Variants in PLEKHG4 observed in about 807,000 individuals in gnomAD.
PLEKHG4 encodes the protein puratrophin-1.
In PLEKHG4, 85 loss-of-function variants were observed where a neutral mutation model predicts 136.9. The observed-to-expected ratio is 0.62, with a 90% confidence interval of 0.52 to 0.74. The LOEUF is 0.74. PLEKHG4 is among the 30% of genes least tolerant of loss of function. The probability of loss-of-function intolerance (pLI) is 0.00; values close to 1 mark genes in which losing one functional copy is unlikely to be tolerated. For missense variants in PLEKHG4, 1,317 were observed against 1,527.8 expected, an observed-to-expected ratio of 0.86 and a Z score of 2.30; for synonymous variants, 577 against 646.9, an observed-to-expected ratio of 0.89 and a Z score of 1.64.
Position 67,280,942 on chromosome 16 carries a change from T to G in PLEKHG4, c.656T>G (p.Leu219Arg), listed in dbSNP as rs1232372511. 2 of 1,613,392 alleles carry G rather than the reference T, an allele frequency of 1.2e-6. No homozygotes were observed. Among genetic ancestry groups the G allele is most frequent in the Admixed American group, 3.3e-5 (2 of 60,016 alleles). ...CTGTGTGCCCACAGCCCAGCCTGGC[T>G]TCAGTCTGAGTGCAGCAGCCAGGAA... ...LLLCAHSPAW[L>R]QSECSSQELI... Residue 219 changes from leucine to arginine, a missense_variant, in exon 4 of 22, where the codon CTT becomes CGT. By Grantham distance (102) the Leu-to-Arg change is moderately radical. Transcript: ENST00000379344. The surrounding 1 kb of genome is among the most constrained non-coding windows in gnomAD (Gnocchi z 4.4).
Position 67,281,807 on chromosome 16 carries a change from C to G in PLEKHG4, c.975C>G (p.Tyr325Ter), listed in dbSNP as rs1420801441. ...LPTSLGGGLP[Y>*]CHQAWLDFRR... ...CTTCGCTAGGAGGAGGCCTGCCTTACTGCCACCAGGCCTGGCTGGATTTCC... is the reference window on the plus strand; with the variant it reads ...CTTCGCTAGGAGGAGGCCTGCCTTAGTGCCACCAGGCCTGGCTGGATTTCC... The change falls in exon 7 of 22, where the codon TAC becomes TAG. Residue 325 changes from tyrosine (Y) to a stop codon, truncating the protein, a stop_gained. Transcript: ENST00000379344. LOFTEE classifies it high-confidence loss of function. The G allele has an allele frequency of 6.2e-7, 1 of 1,613,582 alleles. No homozygotes were observed. Among genetic ancestry groups the G allele is most frequent in the Non-Finnish European group, 8.5e-7 (1 of 1,179,998 alleles).
chr16:67,282,435 G>T, intron 9 of PLEKHG4, 68 bp from the exon 10 acceptor site: 1 of 1,613,134 alleles, frequency 6.2e-7, no homozygotes, highest in Non-Finnish European at 8.5e-7. Flanking sequence ...AACCTGGTAG[G>T]ACTGTGGTGC....
chr16:67,287,482 C>A, intron 18 of PLEKHG4: 1 of 516,156 alleles, frequency 1.9e-6, no homozygotes, highest in Non-Finnish European at 3.5e-6. Context: ...TCATTGTAGC[C>A]TCTGCCTCCT....
rs1490152087 is a variant in PLEKHG4, at chr16:67,284,772, G to A, written c.1752G>A (p.Pro584=). 2.5e-6 allele frequency: 4 copies of A among 1,613,716 alleles called. No individual in the cohort carries two copies. Among genetic ancestry groups the A allele is most frequent in the Middle Eastern group, 1.6e-4 (1 of 6,062 alleles). Residue 584 remains proline, a synonymous_variant, in exon 13 of 22, where the codon CCG becomes CCA. Coordinates refer to ENST00000379344, the MANE Select transcript of PLEKHG4 (RefSeq NM_001129729.3). The surrounding 1 kb of genome is among the most constrained non-coding windows in gnomAD (Gnocchi z 4.4). The part of the protein sequence containing the change: ...RVLAELEQER[P]GVVLQQLQLH... ...TGGCAGAGCTGGAGCAGGAACGCCCGGGGGTTGTGTTGCAGCAGCTGCAGC... is the reference window on the plus strand; with the variant it reads ...TGGCAGAGCTGGAGCAGGAACGCCCAGGGGTTGTGTTGCAGCAGCTGCAGC...
At position 67,280,522 on chromosome 16, in the gene PLEKHG4, A is replaced by G; in HGVS notation, c.478A>G (p.Ile160Val). The G allele has an allele frequency of 6.2e-7, 1 of 1,612,384 alleles. No homozygotes were observed. Among genetic ancestry groups the G allele is most frequent in the South Asian group, 1.1e-5 (1 of 90,964 alleles). Reference protein sequence around the residue: ...PVGLGDPLSEISKLLEAAPSG... With the variant: ...PVGLGDPLSEVSKLLEAAPSG... ...GGGCCTTGGAGACCCTTTATCAGAAATATCAAAGCTGCTGGAGGCAGGTAA... is the reference window on the plus strand; with the variant it reads ...GGGCCTTGGAGACCCTTTATCAGAAGTATCAAAGCTGCTGGAGGCAGGTAA... The change falls in exon 2 of 22, where the codon ATA becomes GTA. Residue 160 changes from isoleucine (I) to valine (V), a missense_variant. Physicochemically the swap from Ile to Val is conservative, Grantham distance 29 (BLOSUM62 3). Transcript: ENST00000379344. This position sits in a 1 kb window ranked among gnomAD's most constrained non-coding sequence, Gnocchi z 4.4.
chr16:67,279,149 C>A (rs1597373748), upstream of PLEKHG4: 1 of 152,236 alleles, frequency 6.6e-6, no homozygotes, highest in Admixed American at 6.5e-5. Context: ...GCGCACTCAC[C>A]CTCGCTCACC....
chr16:67,282,903 G>A, intron 11 of PLEKHG4, 45 bp downstream of exon 11: 2 of 1,322,668 alleles, frequency 1.5e-6, no homozygotes, highest in Non-Finnish European at 2.2e-6. Context: ...GGGATGCAAT[G>A]CCAGGAACTA....
At chr16:67,285,581 C>T (rs745493100) in intron 14 of PLEKHG4, 45 bp downstream of exon 14, 3 of 1,598,554 alleles carry the variant, frequency 1.9e-6, no homozygotes, top group African/African-American at 2.7e-5. Flanking sequence ...CTGCCACACT[C>T]CCGAAGTTGC....
chr16:67,283,546 G>A (rs1238167411), intron 11 of PLEKHG4, among the ~76,000 whole-genome samples: 2 of 152,162 alleles, frequency 1.3e-5, no homozygotes, highest in Non-Finnish European at 2.9e-5. Flanking sequence ...CAGGGGAGAC[G>A]GGTTGGAGAA....
chr16:67,287,445 G>T (rs944420970), intron 18 of PLEKHG4: 4 of 558,704 alleles, frequency 7.2e-6, no homozygotes, highest in Non-Finnish European at 1.3e-5. Context: ...TGTCGCCCAG[G>T]ATGGCGTGCA....
chr16:67,287,261 A>T, intron 18 of PLEKHG4, 84 bp downstream of exon 18: 1 of 1,443,712 alleles, frequency 6.9e-7, no homozygotes, highest in Non-Finnish European at 9.6e-7. Flanking sequence ...ACCTGGGAAA[A>T]GCTCGGGAAG....
At position 67,280,389 on chromosome 16, in the gene PLEKHG4, G is replaced by A; in HGVS notation, c.345G>A (p.Leu115=). The change falls in exon 2 of 22, where the codon TTG becomes TTA. Residue 115 remains leucine, a synonymous_variant. Coordinates refer to ENST00000379344, the MANE Select transcript of PLEKHG4 (RefSeq NM_001129729.3). This position sits in a 1 kb window ranked among gnomAD's most constrained non-coding sequence, Gnocchi z 4.4. ...GCCCCATGTCCTCCCACCTCAGCTT[G>A]GCACAGGGTGAGAGTGACACCCCAG... ...LLCPMSSHLS[L]AQGESDTPGV... The A allele has an allele frequency of 6.2e-7, 1 of 1,611,404 alleles. No homozygotes were observed. The highest frequency in any genetic ancestry group is 1.3e-5 in the African/African-American group (1 of 74,972).
Position 67,281,994 on chromosome 16 carries a change from T to C in PLEKHG4, c.1006-15T>C. 2 of 1,606,268 alleles carry C rather than the reference T, an allele frequency of 1.2e-6. No homozygotes were observed. The highest frequency in any genetic ancestry group is 1.7e-6 in the Non-Finnish European group (2 of 1,173,548). On this transcript the variant is annotated splice_polypyrimidine_tract_variant and intron_variant, in intron 7 of 21. Transcript: ENST00000379344. The stretch of plus-strand genomic sequence containing the variant: ...CACTGCATGCTGCTCCGGTCATGCC[T>C]GCCCCTGCTTACAGCGGCTGGAAGC...
At chr16:67,281,980 G>T (rs375875665) in intron 7 of PLEKHG4, 29 bp from the exon 8 acceptor site, 3 of 1,592,380 alleles carry the variant, frequency 1.9e-6, no homozygotes, top group Non-Finnish European at 2.6e-6. Flanking sequence ...ACTGCATGCT[G>T]CTCCGGTCAT....
chr16:67,281,559 C>T lies in PLEKHG4; in HGVS notation c.814-8C>T. 6.2e-7 allele frequency: 1 copy of T among 1,612,122 alleles called. No homozygotes were observed. The highest frequency in any genetic ancestry group is 2.2e-5 in the East Asian group (1 of 44,868). ...TTGGGGATAGTGCTGAGCTCAGGTT[C>T]CTTGCAGGAAGCAGCCCCAGGGGCC... On this transcript the variant is annotated splice_polypyrimidine_tract_variant and splice_region_variant and intron_variant, in intron 5 of 21. Coordinates refer to ENST00000379344, the MANE Select transcript of PLEKHG4 (RefSeq NM_001129729.3).
At position 67,280,401 on chromosome 16, in the gene PLEKHG4, G is replaced by GA. The variant is rs1290273792; in HGVS notation, c.358dup (p.Ser120LysfsTer2). The GA allele has an allele frequency of 6.2e-7, 1 of 1,608,998 alleles. No homozygotes were observed. Among genetic ancestry groups the GA allele is most frequent in the Non-Finnish European group, 8.5e-7 (1 of 1,176,798 alleles). On this transcript the variant is annotated frameshift_variant, in exon 2 of 22. Coordinates refer to ENST00000379344, the MANE Select transcript of PLEKHG4 (RefSeq NM_001129729.3). LOFTEE classifies it high-confidence loss of function. The surrounding 1 kb of genome is among the most constrained non-coding windows in gnomAD (Gnocchi z 4.4). ...CCCACCTCAGCTTGGCACAGGGTGA[G>GA]AGTGACACCCCAGGGGTAGGGTTGG... is the stretch of plus-strand genomic sequence containing the variant.
rs1241180588 is a variant in PLEKHG4, at chr16:67,280,143, AG to A, written c.100del (p.Glu34ArgfsTer54). On this transcript the variant is annotated frameshift_variant, in exon 2 of 22. Transcript: ENST00000379344. LOFTEE classifies it high-confidence loss of function. This position sits in a 1 kb window ranked among gnomAD's most constrained non-coding sequence, Gnocchi z 4.4. ...TGTGCAGTTTCAGGGATGCCTGGGA[AG>A]AGGAGGAACCTGCTTCCCAGATGCA... ...AVCSFRDAWE[E>X]EEPASQMHVK... is the part of the protein sequence containing the mutation. 3.7e-6 allele frequency: 6 copies of A among 1,613,836 alleles called. No homozygotes were observed. Among genetic ancestry groups the A allele is most frequent in the Non-Finnish European group, 5.1e-6 (6 of 1,180,014 alleles).
rs770233583 is a variant in PLEKHG4 at position 67,282,488 on chromosome 16, T to C, written c.1254-15T>C. 1.1e-5 allele frequency: 18 copies of C among 1,613,552 alleles called. No individual in the cohort carries two copies. Among genetic ancestry groups the C allele is most frequent in the Non-Finnish European group, 1.5e-5 (18 of 1,180,022 alleles). Reference sequence around the variant, plus strand: ...GTGCAAGGCAGGGGGTCTAAGATGGTATACCCTACACCAGGACGGCAATGG... The same window carrying C: ...GTGCAAGGCAGGGGGTCTAAGATGGCATACCCTACACCAGGACGGCAATGG... On this transcript the variant is annotated splice_polypyrimidine_tract_variant and intron_variant, in intron 9 of 21. Transcript: ENST00000379344.
In PLEKHG4 at chr16:67,282,865, G is replaced by T. The variant is rs1256280463; in HGVS notation, c.1509+7G>T. ...GCTGTACCAGGTTGCCCAGGTATAT[G>T]TGGTCACTTGTTCATGCCACGGGTA... On this transcript the variant is annotated splice_region_variant and intron_variant, in intron 11 of 21. Transcript: ENST00000379344. 2 of 1,595,198 alleles carry T rather than the reference G, an allele frequency of 1.3e-6. No homozygotes were observed. Among genetic ancestry groups the T allele is most frequent in the East Asian group, 4.5e-5 (2 of 44,794 alleles).
Sources: gnomAD v4.1 joint callset for allele counts (sites outside exome capture counted in the v4.1 genomes callset) on GRCh38, gnomAD v4.1.1 for gene constraint, Gnocchi (gnomAD v3.1) non-coding constraint, MANE v1.5 for transcripts, NCBI Gene and HGNC (gene_info 2026-07-23, HGNC 2026-07-21) for gene names.